SLC36A1: variants seen among roughly 807,000 people sequenced by gnomAD.
The protein encoded by SLC36A1 is solute carrier family 36 member 1.
SLC36A1 carries 30 observed loss-of-function variants against 47.5 expected under a neutral mutation model. The ratio of observed to expected loss-of-function variants is 0.63; its 90% CI spans 0.47 to 0.86. The LOEUF (loss-of-function observed/expected upper bound fraction) is 0.86, where lower values mean the gene tolerates loss of function less well. Among genes scored for constraint, SLC36A1 ranks in the 40% least tolerant of loss-of-function variants. SLC36A1 has a pLI of 0.00. For synonymous variants in SLC36A1, 255 were observed against 249.7 expected (o/e 1.02, Z -0.20); for missense variants, 517 against 606.0 (o/e 0.85, Z 1.54).
chr5:151,543,135 T>C, the SLC36A1 span: 2 of 1,614,206 alleles, frequency 1.2e-6, no homozygotes, highest in Non-Finnish European at 8.5e-7. Context: ...GGCCTCCATC[T>C]TGGGCTTTGA....
chr5:151,517,763 TA>T, the SLC36A1 span: 1 of 1,614,092 alleles, frequency 6.2e-7, no homozygotes, highest in East Asian at 2.2e-5. Context: ...CTTGTAGCAG[TA>T]CCTGAGAAAG....
chr5:151,472,551 C>A (rs1308338806), intron 7 of SLC36A1, among the ~76,000 whole-genome samples: 2 of 152,156 alleles, frequency 1.3e-5, no homozygotes, highest in African/African-American at 4.8e-5. Flanking sequence ...TAACAGTTGC[C>A]CTTTTTCTGG....
the SLC36A1 span, among the ~76,000 whole-genome samples, chr5:151,502,783 G>A: frequency 2.0e-5 from 3 of 148,268 alleles, no homozygotes; most frequent in Non-Finnish European, 2.9e-5. Context: ...CATAAAACCT[G>A]CACACAGATG....
chr5:151,527,987 A>G, the SLC36A1 span: 4 of 1,613,452 alleles, frequency 2.5e-6, no homozygotes, highest in Non-Finnish European at 3.4e-6. Flanking sequence ...CCCCTCCCAC[A>G]TGACTCACCT....
chr5:151,377,965 A>G, the SLC36A1 span: 1 of 166,778 alleles, frequency 6.0e-6, no homozygotes, highest in Admixed American at 6.4e-5. Context: ...TTAAAGCTCA[A>G]TCCCGTAATC....
the SLC36A1 span, among the ~76,000 whole-genome samples, chr5:151,377,648 G>C: frequency 6.6e-6 from 1 of 152,110 alleles, no homozygotes; most frequent in Non-Finnish European, 1.5e-5. Flanking sequence ...CGCCCGGCCT[G>C]CTGTCTCTTT....
At chr5:151,492,676 C>T (rs1198215368), downstream of SLC36A1, among the ~76,000 whole-genome samples, 1 of 152,190 alleles carries the variant, frequency 6.6e-6, no homozygotes, top group Non-Finnish European at 1.5e-5. Flanking sequence ...CACATGACAG[C>T]CAGTTTTATA....
the SLC36A1 span, chr5:151,540,529 G>A: frequency 1.1e-5 from 17 of 1,539,872 alleles, no homozygotes; most frequent in Admixed American, 6.9e-5. Context: ...TATCTTCCTT[G>A]CCTTCACTAC....
chr5:151,359,068 C>T, the SLC36A1 span, among the ~76,000 whole-genome samples: 2 of 151,260 alleles, frequency 1.3e-5, no homozygotes, highest in African/African-American at 2.4e-5. Flanking sequence ...TTTATAAATG[C>T]CTCAATGATT....
the SLC36A1 span, among the ~76,000 whole-genome samples, chr5:151,357,219 A>G: frequency 1.3e-5 from 2 of 152,214 alleles, no homozygotes; most frequent in Admixed American, 1.3e-4. Context: ...CCGGAACCTC[A>G]CTTAAGCCAC....
At chr5:151,470,189 T>A (rs968179394) in intron 7 of SLC36A1, among the ~76,000 whole-genome samples, 2 of 152,176 alleles carry the variant, frequency 1.3e-5, no homozygotes, top group African/African-American at 2.4e-5. Context: ...ACCCATGATT[T>A]CATGTTGTAA....
the SLC36A1 span, chr5:151,529,524 C>A: frequency 1.5e-6 from 1 of 670,702 alleles, no homozygotes; most frequent in South Asian, 1.7e-5. Context: ...CTGTCATCTC[C>A]CCATCCATCT....
At chr5:151,498,931 G>A in the SLC36A1 span, among the ~76,000 whole-genome samples, 3 of 152,320 alleles carry the variant, frequency 2.0e-5, no homozygotes, top group South Asian at 4.1e-4. Context: ...CGCTGGAGAC[G>A]TGGCTGCTCG....
chr5:151,546,814 G>T, the SLC36A1 span, among the ~76,000 whole-genome samples: 1 of 152,034 alleles, frequency 6.6e-6, no homozygotes, highest in East Asian at 1.9e-4. Flanking sequence ...AAACTCCTGG[G>T]CTCAAGCGGT....
At chr5:151,536,111 G>A in the SLC36A1 span, among the ~76,000 whole-genome samples, 1 of 152,094 alleles carries the variant, frequency 6.6e-6, no homozygotes, top group Non-Finnish European at 1.5e-5. Flanking sequence ...TATACCAAGA[G>A]TCCTTATCTG....
At chr5:151,507,602 C>T in the SLC36A1 span, 2 of 1,583,766 alleles carry the variant, frequency 1.3e-6, no homozygotes, top group Non-Finnish European at 1.7e-6. Context: ...CCCTCGCCTC[C>T]ATTTCACACC....
chr5:151,347,161 A>G, the SLC36A1 span: 3 of 1,051,924 alleles, frequency 2.9e-6, no homozygotes, highest in Non-Finnish European at 4.4e-6. Context: ...GACTCAGCCC[A>G]TGACTGCACC....
chr5:151,544,285 A>G, the SLC36A1 span: 1 of 1,614,190 alleles, frequency 6.2e-7, no homozygotes, highest in Non-Finnish European at 8.5e-7. Context: ...GCCTTCTGAG[A>G]TGGAAGTGGT....
At chr5:151,540,576 C>T in the SLC36A1 span, 1 of 1,613,132 alleles carries the variant, frequency 6.2e-7, no homozygotes, top group Non-Finnish European at 8.5e-7. Flanking sequence ...CCTGTGAACA[C>T]TGTGGGCTGT....
Sources: allele counts gnomAD v4.1 joint callset (sites outside exome capture counted in the v4.1 genomes callset), GRCh38; gene constraint gnomAD v4.1.1; transcripts MANE v1.5; gene names NCBI Gene and HGNC (gene_info 2026-07-23, HGNC 2026-07-21).